The following HAUS6 variants were observed in gnomAD, a reference collection of about 807,000 sequenced individuals.
HAUS6 encodes the protein HAUS augmin-like complex subunit 6.
A neutral mutation model predicts 106.8 loss-of-function variants in HAUS6; 80 were observed. The ratio of observed to expected loss-of-function variants is 0.75; its 90% CI spans 0.63 to 0.90. The LOEUF (loss-of-function observed/expected upper bound fraction) is 0.90, where lower values mean the gene tolerates loss of function less well. HAUS6 is among the 40% of genes least tolerant of loss of function. The probability of loss-of-function intolerance (pLI) is 0.00; values close to 1 mark genes in which losing one functional copy is unlikely to be tolerated. For synonymous variants in HAUS6, 356 were observed against 379.1 expected (o/e 0.94, Z 0.71); for missense variants, 1,155 against 1,118.1 (o/e 1.03, Z -0.47).
intron 4 of HAUS6, among the ~76,000 whole-genome samples, chr9:19,091,080 C>G (rs1798161159): frequency 6.6e-6 from 1 of 151,658 alleles, no homozygotes; most frequent in Non-Finnish European, 1.5e-5. Context: ...GCGGGTGGAT[C>G]ACAAGGTCAG....
chr9:19,073,242 C>A (rs1031154712), intron 11 of HAUS6, among the ~76,000 whole-genome samples: 1 of 151,862 alleles, frequency 6.6e-6, no homozygotes, highest in Non-Finnish European at 1.5e-5. Context: ...GTTTAATAAA[C>A]AAGTATTTAT....
chr9:19,101,839 G>C (rs1817994979), intron 1 of HAUS6, among the ~76,000 whole-genome samples: 1 of 152,162 alleles, frequency 6.6e-6, no homozygotes, highest in Non-Finnish European at 1.5e-5. Flanking sequence ...AGAATCGCTT[G>C]AACCAGGGAG....
intron 1 of HAUS6, among the ~76,000 whole-genome samples, chr9:19,097,809 C>T (rs569312449): frequency 6.6e-6 from 1 of 150,512 alleles, no homozygotes; most frequent in African/African-American, 2.4e-5. Flanking sequence ...GAACACTAAA[C>T]CCTTTAAGAA....
At chr9:19,074,729 T>G (rs904786187) in intron 11 of HAUS6, among the ~76,000 whole-genome samples, 1 of 152,184 alleles carries the variant, frequency 6.6e-6, no homozygotes, top group Non-Finnish European at 1.5e-5. Context: ...ACTGCTGTCA[T>G]GACCTTTCAC....
In HAUS6 at chr9:19,096,537, C is replaced by G. The variant is rs965730516; in HGVS notation, c.224+137G>C. On this transcript the variant is annotated intron_variant, in intron 2 of 16. Coordinates refer to ENST00000380502, the MANE Select transcript of HAUS6 (RefSeq NM_017645.5). Reference sequence around the variant, plus strand: ...CCTAGATCACGCCACTGCACTCCAGCCTCGATGACGGAGTGAGACTCCGTC... The same window carrying G: ...CCTAGATCACGCCACTGCACTCCAGGCTCGATGACGGAGTGAGACTCCGTC... The G allele has an allele frequency of 3.7e-5, 20 of 538,022 alleles. No individual in the cohort carries two copies. In the African/African-American group the frequency reaches 4.7e-4, roughly 13 times the overall value. 33.3% of individuals were successfully genotyped at this position (538,022 alleles called of 1,614,324 possible). A position where few individuals can be genotyped will look rare whatever the true frequency, so the allele number is the denominator to read the frequency against.
At chr9:19,086,653 T>C (rs1045885486) in intron 7 of HAUS6, 81 bp downstream of exon 7, 3 of 640,928 alleles carry the variant, frequency 4.7e-6, no homozygotes, top group Non-Finnish European at 8.4e-6. Flanking sequence ...AAATAGACTA[T>C]AAGAGTCCCA....
intron 2 of HAUS6, among the ~76,000 whole-genome samples, chr9:19,095,812 G>A (rs570584314): frequency 6.6e-6 from 1 of 152,088 alleles, no homozygotes; most frequent in African/African-American, 2.4e-5. Flanking sequence ...AGACTTGTGG[G>A]TGCTTACATT....
At chr9:19,084,476 T>C (rs946029733) in intron 7 of HAUS6, among the ~76,000 whole-genome samples, 2 of 152,200 alleles carry the variant, frequency 1.3e-5, no homozygotes, top group African/African-American at 4.8e-5. Context: ...TGTCAAGCTA[T>C]ATACTTATGA....
intron 11 of HAUS6, among the ~76,000 whole-genome samples, chr9:19,071,102 G>A (rs971796932): frequency 6.6e-5 from 10 of 152,100 alleles, no homozygotes; most frequent in Admixed American, 2.6e-4. Context: ...ATGTCCAAGT[G>A]GAACAGAAGC....
rs1244441978 is a variant in HAUS6, at chr9:19,102,508, G to C, written c.128+16C>G. On this transcript the variant is annotated intron_variant, in intron 1 of 16. Transcript: ENST00000380502. ...CGGTTCAGGCTCCCTCGCCCCGCCG[G>C]CCCCGGCCTCCTTACACTCCGAGGT... 1 of 1,610,556 alleles carries C rather than the reference G, an allele frequency of 6.2e-7. No individual in the cohort carries two copies. Among genetic ancestry groups the C allele is most frequent in the Non-Finnish European group, 8.5e-7 (1 of 1,178,276 alleles).
chr9:19,090,796 T>C (rs1271589209), intron 4 of HAUS6, among the ~76,000 whole-genome samples: 2 of 152,204 alleles, frequency 1.3e-5, no homozygotes, highest in Admixed American at 6.5e-5. Flanking sequence ...AAAACCACTG[T>C]TCATTTCTCA....
rs151138568 is a variant in HAUS6 at position 19,084,551 on chromosome 9, G to C, written c.700-1508C>G. On this transcript the variant is annotated intron_variant, in intron 7 of 16. Transcript: ENST00000380502. ...TTTACAAAAGAGGGAGGGAGGTGGAGAAATATAATTATACACATGTTCTTC... is the reference window on the plus strand; with the variant it reads ...TTTACAAAAGAGGGAGGGAGGTGGACAAATATAATTATACACATGTTCTTC... 1.3e-3 allele frequency among the ~76,000 whole-genome samples: 194 copies of C among 150,120 alleles called. 3 individuals are homozygous for C. The East Asian group carries it at 0.016, about 12-fold the overall frequency.
At chr9:19,081,631 G>C (rs917000619) in intron 8 of HAUS6, among the ~76,000 whole-genome samples, 1 of 151,764 alleles carries the variant, frequency 6.6e-6, no homozygotes, top group Non-Finnish European at 1.5e-5. Context: ...GTAGAGACAG[G>C]GTTTCATCAT....
At chr9:19,087,520 C>T (rs1024992740) in intron 5 of HAUS6, among the ~76,000 whole-genome samples, 4 of 152,100 alleles carry the variant, frequency 2.6e-5, no homozygotes, top group Admixed American at 1.3e-4. Flanking sequence ...TATAACAAAG[C>T]ATTCTACAAA....
chr9:19,076,223 C>T (rs374141028), intron 11 of HAUS6, among the ~76,000 whole-genome samples: 1 of 150,916 alleles, frequency 6.6e-6, no homozygotes, highest in South Asian at 2.1e-4. Context: ...AAAAATTAGA[C>T]GGGTGTGGTG....
chr9:19,094,720 G>A (rs1399185514), intron 2 of HAUS6, among the ~76,000 whole-genome samples: 1 of 152,094 alleles, frequency 6.6e-6, no homozygotes, highest in Admixed American at 6.6e-5. Flanking sequence ...GAACCCAGGA[G>A]ATGGAGTCTG....
chr9:19,096,620 G>A (rs1320974511), intron 2 of HAUS6, 54 bp downstream of exon 2: 1 of 674,764 alleles, frequency 1.5e-6, no homozygotes, highest in Non-Finnish European at 2.5e-6. Context: ...TCAAAACGCT[G>A]TCCATTTTCA....
chr9:19,069,819 G>A (rs909974732), intron 12 of HAUS6, among the ~76,000 whole-genome samples: 1 of 152,138 alleles, frequency 6.6e-6, no homozygotes, highest in African/African-American at 2.4e-5. Flanking sequence ...ATTTGGGTCA[G>A]GCACAGGAGG....
At chr9:19,064,810 C>A (rs1211403606) in intron 12 of HAUS6, among the ~76,000 whole-genome samples, 1 of 152,116 alleles carries the variant, frequency 6.6e-6, no homozygotes, top group Non-Finnish European at 1.5e-5. Context: ...GTAGCATTGA[C>A]AAAATATAAT....
Sources: allele counts gnomAD v4.1 joint callset (sites outside exome capture counted in the v4.1 genomes callset), GRCh38; gene constraint gnomAD v4.1.1; transcripts MANE v1.5; gene names NCBI Gene and HGNC (gene_info 2026-07-23, HGNC 2026-07-21).